Variants in DLG2 observed in about 807,000 individuals in gnomAD.
DLG2 encodes the protein discs large MAGUK scaffold protein 2.
A neutral mutation model predicts 132.5 loss-of-function variants in DLG2; 45 were observed. That is an observed-to-expected ratio of 0.34 (90% CI 0.27 to 0.44). DLG2 has a LOEUF of 0.44. Ranked by LOEUF, DLG2 falls within the 20% of genes least tolerant of loss-of-function variation. DLG2 has a pLI of 1.00. For synonymous variants in DLG2, 424 were observed against 419.6 expected, an observed-to-expected ratio of 1.01 and a Z score of -0.13; for missense variants, 1,045 against 1,196.9, an observed-to-expected ratio of 0.87 and a Z score of 1.87.
intron 6 of DLG2, among the ~76,000 whole-genome samples, chr11:85,033,086 G>T (rs1050189240): frequency 1.7e-4 from 26 of 152,086 alleles, no homozygotes; most frequent in African/African-American, 6.3e-4. Flanking sequence ...TATGTGCTTT[G>T]GTGCAAAAAG....
intron 7 of DLG2, among the ~76,000 whole-genome samples, chr11:84,286,225 T>G (rs951040207): frequency 6.6e-6 from 1 of 152,188 alleles, no homozygotes; most frequent in African/African-American, 2.4e-5. Flanking sequence ...TAGCTCTATA[T>G]CAAGGGCTGA....
At chr11:85,276,296 G>T (rs533287934) in intron 4 of DLG2, among the ~76,000 whole-genome samples, 3 of 152,082 alleles carry the variant, frequency 2.0e-5, no homozygotes, top group Non-Finnish European at 2.9e-5. Context: ...TCTGCCTGTT[G>T]AATAAGAAAT....
At chr11:84,613,356 C>A (rs1481368281) in intron 6 of DLG2, among the ~76,000 whole-genome samples, 1 of 152,056 alleles carries the variant, frequency 6.6e-6, no homozygotes, top group Non-Finnish European at 1.5e-5. Flanking sequence ...TGGCAAGTTC[C>A]CACAAAAATT....
At chr11:85,542,750 A>G (rs1035354929) in intron 3 of DLG2, among the ~76,000 whole-genome samples, 3 of 152,222 alleles carry the variant, frequency 2.0e-5, no homozygotes, top group African/African-American at 7.2e-5. Context: ...CAAAAATGTC[A>G]AAGTAAATAC....
intron 8 of DLG2, among the ~76,000 whole-genome samples, chr11:84,210,319 T>A (rs1379089704): frequency 4.9e-5 from 7 of 142,000 alleles, no homozygotes; most frequent in Non-Finnish European, 1.1e-4. Flanking sequence ...AAAACATATG[T>A]CCACAAAGTG....
intron 11 of DLG2, among the ~76,000 whole-genome samples, chr11:84,021,399 A>C (rs1037824375): frequency 5.3e-5 from 8 of 152,166 alleles, no homozygotes; most frequent in African/African-American, 1.9e-4. Context: ...TTTCTCCCCA[A>C]AAGTTCATGT....
chr11:84,861,369 A>G (rs916893380), intron 6 of DLG2, among the ~76,000 whole-genome samples: 2 of 152,086 alleles, frequency 1.3e-5, no homozygotes, highest in Admixed American at 1.3e-4. Context: ...CTCTGCCTCC[A>G]GCTACGTAAC....
chr11:84,676,316 A>T (rs1431035043), intron 6 of DLG2, among the ~76,000 whole-genome samples: 2 of 152,024 alleles, frequency 1.3e-5, no homozygotes, highest in Non-Finnish European at 2.9e-5. Context: ...ATAATTAGTC[A>T]GTTCTTTCTT....
At chr11:85,563,940 G>T (rs565222395) in intron 3 of DLG2, among the ~76,000 whole-genome samples, 3 of 152,108 alleles carry the variant, frequency 2.0e-5, no homozygotes, top group Non-Finnish European at 4.4e-5. Flanking sequence ...GAAATGTATG[G>T]GTTCCTGCCA....
At chr11:85,455,255 A>G (rs1209279645) in intron 3 of DLG2, among the ~76,000 whole-genome samples, 1 of 152,192 alleles carries the variant, frequency 6.6e-6, no homozygotes, top group Admixed American at 6.6e-5. Flanking sequence ...AGTTAGCTAC[A>G]TTCCTAGGTA....
At chr11:84,681,327 T>C (rs550062566) in intron 6 of DLG2, among the ~76,000 whole-genome samples, 2 of 152,338 alleles carry the variant, frequency 1.3e-5, no homozygotes, top group East Asian at 3.9e-4. Flanking sequence ...TTCATTTTTA[T>C]TTCTCTGTAA....
At chr11:85,145,853 T>A (rs1224779367) in intron 5 of DLG2, among the ~76,000 whole-genome samples, 1 of 152,104 alleles carries the variant, frequency 6.6e-6, no homozygotes, top group East Asian at 1.9e-4. Flanking sequence ...TTAGTTTGTT[T>A]AGTAGATCAT....
At chr11:84,632,863 C>T (rs1054997777) in intron 6 of DLG2, among the ~76,000 whole-genome samples, 2 of 152,174 alleles carry the variant, frequency 1.3e-5, no homozygotes, top group Admixed American at 6.5e-5. Flanking sequence ...TTTTACTGCA[C>T]GCAAGCTCCT....
intron 4 of DLG2, among the ~76,000 whole-genome samples, chr11:85,166,266 T>C (rs1478187199): frequency 1.3e-5 from 2 of 152,148 alleles, no homozygotes; most frequent in African/African-American, 4.8e-5. Flanking sequence ...CTTTTATCGC[T>C]TCTCTCACTA....
intron 6 of DLG2, among the ~76,000 whole-genome samples, chr11:85,017,920 A>G (rs2059707180): frequency 6.6e-6 from 1 of 151,494 alleles, no homozygotes; most frequent in South Asian, 2.1e-4. Flanking sequence ...GTTATCTCTT[A>G]AAGTGAAGAA....
chr11:85,457,926 T>A (rs1170650281), intron 3 of DLG2, among the ~76,000 whole-genome samples: 1 of 152,170 alleles, frequency 6.6e-6, no homozygotes, highest in Non-Finnish European at 1.5e-5. Context: ...GATGGTCCCC[T>A]TATTTAGTAT....
chr11:84,867,876 C>G (rs1376495935), intron 6 of DLG2, among the ~76,000 whole-genome samples: 1 of 152,046 alleles, frequency 6.6e-6, no homozygotes, highest in East Asian at 1.9e-4. Context: ...AGATGGAGAC[C>G]ATCCTGGCCA....
intron 7 of DLG2, among the ~76,000 whole-genome samples, chr11:84,431,710 T>C (rs1333642004): frequency 6.6e-6 from 1 of 152,148 alleles, no homozygotes; most frequent in Non-Finnish European, 1.5e-5. Flanking sequence ...AATAATTTGA[T>C]AGCAAGTATA....
intron 17 of DLG2, among the ~76,000 whole-genome samples, chr11:83,813,673 G>A (rs1490122403): frequency 1.3e-5 from 2 of 152,106 alleles, no homozygotes; most frequent in East Asian, 3.9e-4. Flanking sequence ...TTTAGATGAT[G>A]CCTCTTTTGG....
Sources: gnomAD v4.1 joint callset for allele counts (sites outside exome capture counted in the v4.1 genomes callset) on GRCh38, gnomAD v4.1.1 for gene constraint, MANE v1.5 for transcripts, NCBI Gene and HGNC (gene_info 2026-07-23, HGNC 2026-07-21) for gene names.